The following GOT1L1 variants were observed in gnomAD, a reference collection of about 807,000 sequenced individuals.
The protein encoded by GOT1L1 is glutamic-oxaloacetic transaminase 1 like 1, also known as aspartate aminotransferase, cytoplasmic 2.
In GOT1L1, 38 loss-of-function variants were observed where a neutral mutation model predicts 43.6. The observed-to-expected ratio is 0.87, with a 90% CI of 0.67 to 1.14. GOT1L1 has a LOEUF of 1.14. Among genes scored for constraint, GOT1L1 ranks in the 50% most tolerant of loss-of-function variants. The pLI, the probability that GOT1L1 is intolerant of heterozygous loss-of-function variation, is 0.00. For missense variants in GOT1L1, 482 were observed against 504.0 expected (o/e 0.96, Z 0.42); for synonymous variants, 183 against 187.2 (o/e 0.98, Z 0.18).
In GOT1L1 at chr8:37,936,105, A is replaced by G. The variant is rs1807744273; in HGVS notation, c.764-236T>C. Among the ~76,000 whole-genome samples, 8 of 150,308 alleles carry G rather than the reference A, an allele frequency of 5.3e-5. No homozygotes were observed. In the South Asian group the frequency reaches 1.7e-3, roughly 32 times the overall value. On this transcript the variant is annotated intron_variant, in intron 6 of 8. Transcript: ENST00000307599. ...GGAATTTGAAAGATCACTAAGTTCT[A>G]CTCTCCTGTTTTTTCCTTTCCTTTC... is the stretch of plus-strand genomic sequence containing the variant.
chr8:37,934,720 C>T (rs939679184), intron 8 of GOT1L1, among the ~76,000 whole-genome samples: 1 of 152,092 alleles, frequency 6.6e-6, no homozygotes, highest in African/African-American at 2.4e-5. Context: ...ACAGGATGCA[C>T]CACCATGCAC....
At position 37,937,769 on chromosome 8, in the gene GOT1L1, A is replaced by T. The variant is rs779070200; in HGVS notation, c.298-20T>A. 2 of 1,555,844 alleles carry T rather than the reference A, an allele frequency of 1.3e-6. No individual in the cohort carries two copies. Among genetic ancestry groups the T allele is most frequent in the South Asian group, 2.3e-5 (2 of 88,394 alleles). ...CCCTACCTGCCAGCAAGACATAGAC[A>T]CAAATAGGCCAGGTGTGGTGGCTCA... On this transcript the variant is annotated intron_variant, in intron 2 of 8. Coordinates refer to ENST00000307599, the MANE Select transcript of GOT1L1 (RefSeq NM_152413.3).
chr8:37,935,062 T>C lies in GOT1L1; in HGVS notation c.1072+11A>G. 1 of 1,613,828 alleles carries C rather than the reference T, an allele frequency of 6.2e-7. No homozygotes were observed. The highest frequency in any genetic ancestry group is 8.5e-7 in the Non-Finnish European group (1 of 1,179,778). ...TCAGAAAGGGGGGACACCAGCCCCC[T>C]AGACCCTTACAGTTGAGTCCAAGAT... On this transcript the variant is annotated intron_variant, in intron 8 of 8. Transcript: ENST00000307599.
At position 37,935,072 on chromosome 8, in the gene GOT1L1, C is replaced by T. The variant is rs1585472004; in HGVS notation, c.1072+1G>A. 4 of 1,613,888 alleles carry T rather than the reference C, an allele frequency of 2.5e-6. No homozygotes were observed. The highest frequency in any genetic ancestry group is 1.1e-5 in the South Asian group (1 of 91,076). ...GGGACACCAGCCCCCTAGACCCTTA[C>T]AGTTGAGTCCAAGATAGCCGTGGGT... On this transcript the variant is annotated splice_donor_variant, in intron 8 of 8. Coordinates refer to ENST00000307599, the MANE Select transcript of GOT1L1 (RefSeq NM_152413.3). LOFTEE classifies it high-confidence loss of function.
At position 37,936,579 on chromosome 8, in the gene GOT1L1, G is replaced by A. The variant is rs956454346; in HGVS notation, c.763+141C>T. On this transcript the variant is annotated intron_variant, in intron 6 of 8. Coordinates refer to ENST00000307599, the MANE Select transcript of GOT1L1 (RefSeq NM_152413.3). The stretch of plus-strand genomic sequence containing the variant: ...AGTAACAGAACCAAATTCTAGCTCA[G>A]TGCTCCCCACTTCTGCTTCTATAGT... 9 of 696,546 alleles carry A rather than the reference G, an allele frequency of 1.3e-5. No homozygotes were observed. The Admixed American group carries it at 1.5e-4, about 11-fold the overall frequency. 43.1% of individuals were successfully genotyped at this position (696,546 alleles called of 1,614,324 possible).
At chr8:37,934,921 G>T in intron 8 of GOT1L1, 152 bp downstream of exon 8, 1 of 802,184 alleles carries the variant, frequency 1.2e-6, no homozygotes. Flanking sequence ...ACTTCTGGGG[G>T]TCCAGAAGTG....
intron 2 of GOT1L1, 37 bp from the exon 3 acceptor site, chr8:37,937,786 G>GA: frequency 4.2e-6 from 6 of 1,434,028 alleles, no homozygotes; most frequent in Non-Finnish European, 5.8e-6. Flanking sequence ...GGCCAGGTGT[G>GA]GTGGCTCACA....
chr8:37,936,894 AAAG>A, intron 5 of GOT1L1, 24 bp from the exon 6 acceptor site: 1 of 1,611,808 alleles, frequency 6.2e-7, no homozygotes, highest in Non-Finnish European at 8.5e-7. Context: ...GAGAACAAAA[AAAG>A]AATGAGACAG....
At position 37,938,717 on chromosome 8, in the gene GOT1L1, C is replaced by T. The variant is rs1001228058; in HGVS notation, c.280G>A (p.Ala94Thr). 5 of 1,590,158 alleles carry T rather than the reference C, an allele frequency of 3.1e-6. No individual in the cohort carries two copies. The African/African-American group carries it at 6.7e-5, about 21-fold the overall frequency. The change falls in exon 2 of 9, where the codon GCC becomes ACC. Residue 94 changes from alanine to threonine, a missense_variant. Physicochemically the swap from Ala to Thr is moderately conservative, Grantham distance 58 (BLOSUM62 0). Coordinates refer to ENST00000307599, the MANE Select transcript of GOT1L1 (RefSeq NM_152413.3). ...LALLFGKHSQ[A>T]IVENRVGGVH... ...CTTCTCACCCTGTTCTCCACAATGG[C>T]TTGGCTGTGCTTTCCAAAGAGGAGT...
chr8:37,935,216 C>T lies in GOT1L1; in HGVS notation c.930-1G>A, dbSNP rs866813444. 6.3e-7 allele frequency: 1 copy of T among 1,589,164 alleles called. No homozygotes were observed. Among genetic ancestry groups the T allele is most frequent in the Non-Finnish European group, 8.6e-7 (1 of 1,167,142 alleles). ...TACAACTTCTTTTAGACTCTGCTTC[C>T]TACCAAGGAAGGACAATGAGAAAGG... is the stretch of plus-strand genomic sequence containing the variant. On this transcript the variant is annotated splice_acceptor_variant, in intron 7 of 8. Transcript: ENST00000307599. LOFTEE classifies it high-confidence loss of function.
At chr8:37,938,496 G>A (rs1299241511) in intron 2 of GOT1L1, among the ~76,000 whole-genome samples, 1 of 152,184 alleles carries the variant, frequency 6.6e-6, no homozygotes. Flanking sequence ...TTTCAAATCA[G>A]CAGTGTGAGC....
chr8:37,938,889 G>A lies in GOT1L1; in HGVS notation c.116-8C>T, dbSNP rs780483634. The stretch of plus-strand genomic sequence containing the variant: ...CTTCATTTGTCATGCAGACTGTGAG[G>A]AAAACCACAGAGGGAGCTCCAGATG... On this transcript the variant is annotated splice_region_variant and splice_polypyrimidine_tract_variant and intron_variant, in intron 1 of 8. Coordinates refer to ENST00000307599, the MANE Select transcript of GOT1L1 (RefSeq NM_152413.3). The A allele has an allele frequency of 1.2e-6, 2 of 1,612,976 alleles. No individual in the cohort carries two copies. Among genetic ancestry groups the A allele is most frequent in the Non-Finnish European group, 1.7e-6 (2 of 1,179,366 alleles).
At chr8:37,936,664 TG>T (rs1807763923) in intron 6 of GOT1L1, 55 bp downstream of exon 6, 2 of 1,493,880 alleles carry the variant, frequency 1.3e-6, no homozygotes, top group Admixed American at 1.8e-5. Flanking sequence ...ATCACTGTGC[TG>T]TGAGCGCAGC....
rs377003118 is a variant in GOT1L1 at position 37,940,043 on chromosome 8, C to T, written c.-14G>A. Reference sequence around the variant, plus strand: ...AAGGGTGGGCATAACTGAAACGAAACTGGAGCCAAGACTATGTGTCTCTGC... The same window carrying T: ...AAGGGTGGGCATAACTGAAACGAAATTGGAGCCAAGACTATGTGTCTCTGC... On this transcript the variant is annotated 5_prime_UTR_variant, in exon 1 of 9. Coordinates refer to ENST00000307599, the MANE Select transcript of GOT1L1 (RefSeq NM_152413.3). The T allele has an allele frequency of 6.2e-7, 1 of 1,609,046 alleles. No individual in the cohort carries two copies.
chr8:37,937,553 G>T, intron 3 of GOT1L1, 85 bp downstream of exon 3: 1 of 1,114,008 alleles, frequency 9.0e-7, no homozygotes. Context: ...AGAGAATGAG[G>T]GATAACAGTG....
Position 37,937,122 on chromosome 8 carries a change from G to A in GOT1L1, c.520-65C>T. ...CAGGAGTGGCGGCCCCAGGGCATTT[G>A]GGGGTGAAGTGCTCCTCCATGTTAG... On this transcript the variant is annotated intron_variant, in intron 4 of 8. Coordinates refer to ENST00000307599, the MANE Select transcript of GOT1L1 (RefSeq NM_152413.3). The A allele has an allele frequency of 1.6e-5, 24 of 1,480,828 alleles. 1 individual carries two copies. In the South Asian group the frequency reaches 2.5e-4, roughly 15 times the overall value. The allele number at this position is 1,480,828 out of a possible 1,614,324, so 91.7% of individuals were successfully genotyped here.
In GOT1L1 at chr8:37,937,022, G is replaced by T. The variant is rs780872810; in HGVS notation, c.555C>A (p.Asn185Lys). ...IPHGCVLVMG[N>K]IIDCKLTPSG... Reference sequence around the variant, plus strand: ...TTGGTGTCAACTTGCAGTCGATAATGTTCCCCATCACAAGGACACAGCCAT... The same window carrying T: ...TTGGTGTCAACTTGCAGTCGATAATTTTCCCCATCACAAGGACACAGCCAT... Residue 185 changes from asparagine (N) to lysine (K), a missense_variant, in exon 5 of 9, where the codon AAC becomes AAA. By Grantham distance (94) the Asn-to-Lys change is moderately conservative (BLOSUM62 0). Transcript: ENST00000307599. 6.2e-7 allele frequency: 1 copy of T among 1,613,972 alleles called. No homozygotes were observed. The highest frequency in any genetic ancestry group is 8.5e-7 in the Non-Finnish European group (1 of 1,179,876).
At chr8:37,938,956 C>T in intron 1 of GOT1L1, 75 bp from the exon 2 acceptor site, 1 of 1,354,540 alleles carries the variant, frequency 7.4e-7, no homozygotes, top group Non-Finnish European at 1.0e-6. Context: ...AGACAGCCTG[C>T]AAACAAATCT....
rs146808588 is a variant in GOT1L1, at chr8:37,935,092, G to C, written c.1053C>G (p.His351Gln). ...CCTTACAGTTGAGTCCAAGATAGCCGTGGGTCCCACTCTGCTCGGTGATGT... is the reference window on the plus strand; with the variant it reads ...CCTTACAGTTGAGTCCAAGATAGCCCTGGGTCCCACTCTGCTCGGTGATGT... ...WGHITEQSGT[H>Q]GYLGLNSQQV... The change falls in exon 8 of 9, where the codon CAC becomes CAG. Residue 351 changes from histidine to glutamine, a missense_variant. Physicochemically the swap from His to Gln is conservative, Grantham distance 24. Coordinates refer to ENST00000307599, the MANE Select transcript of GOT1L1 (RefSeq NM_152413.3). 1 of 1,613,918 alleles carries C rather than the reference G, an allele frequency of 6.2e-7. No individual in the cohort carries two copies. The highest frequency in any genetic ancestry group is 1.1e-5 in the South Asian group (1 of 91,056).
Sources: gnomAD v4.1 joint callset for allele counts (sites outside exome capture counted in the v4.1 genomes callset) on GRCh38, gnomAD v4.1.1 for gene constraint, MANE v1.5 for transcripts, NCBI Gene and HGNC (gene_info 2026-07-23, HGNC 2026-07-21) for gene names.